The following PCDHGA3 variants were observed in gnomAD, a reference collection of about 807,000 sequenced individuals.
PCDHGA3 encodes protocadherin gamma subfamily A, 3.
A neutral mutation model predicts 58.5 loss-of-function variants in PCDHGA3; 40 were observed. The ratio of observed to expected loss-of-function variants is 0.68; its 90% CI spans 0.53 to 0.89. PCDHGA3 has a LOEUF of 0.89. Ranked by LOEUF, PCDHGA3 falls within the 40% of genes least tolerant of loss-of-function variation. The pLI is 0.00. For synonymous variants in PCDHGA3, 530 were observed against 525.7 expected, an observed-to-expected ratio of 1.01 and a Z score of -0.11; for missense variants, 1,223 against 1,195.9, an observed-to-expected ratio of 1.02 and a Z score of -0.33.
At position 141,432,297 on chromosome 5, in the gene PCDHGA3, T is replaced by C. The variant is rs1339659774; in HGVS notation, c.2425-62510T>C. 3.1e-6 allele frequency: 5 copies of C among 1,614,040 alleles called. No individual in the cohort carries two copies. The highest frequency in any genetic ancestry group is 1.7e-5 in the Admixed American group (1 of 60,006). ...GTGTCCATCAACTCCGACACTGGGG[T>C]ACTGTATGCGCTGAGCTCCTTCGAC... On this transcript the variant is annotated intron_variant, in intron 1 of 3. Transcript: ENST00000253812. This position sits in a 1 kb window ranked among gnomAD's most constrained non-coding sequence, Gnocchi z 6.0.
chr5:141,345,083 G>T lies in PCDHGA3; in HGVS notation c.1050G>T (p.Thr350=). ...VNDNAPEITI[T]SLTSSVPEEG... The stretch of plus-strand genomic sequence containing the variant: ...ACAATGCTCCAGAAATTACAATCAC[G>T]TCTCTCACAAGCTCAGTCCCAGAAG... Residue 350 remains threonine, a synonymous_variant, in exon 1 of 4, where the codon ACG becomes ACT. Coordinates refer to ENST00000253812, the MANE Select transcript of PCDHGA3 (RefSeq NM_018916.4). The T allele has an allele frequency of 2.5e-6, 4 of 1,613,942 alleles. No individual in the cohort carries two copies. Among genetic ancestry groups the T allele is most frequent in the Non-Finnish European group, 3.4e-6 (4 of 1,179,876 alleles).
At chr5:141,401,368 A>G (rs2094146364) in intron 1 of PCDHGA3, among the ~76,000 whole-genome samples, 3 of 152,186 alleles carry the variant, frequency 2.0e-5, no homozygotes, top group Admixed American at 2.0e-4. Flanking sequence ...GAAGGAGAGG[A>G]AGAAGAAGAA....
At chr5:141,375,521 GACGTGGACCAGA>G in intron 1 of PCDHGA3, 1 of 1,613,994 alleles carries the variant, frequency 6.2e-7, no homozygotes, top group Non-Finnish European at 8.5e-7. Context: ...ACTGGACCCT[GACGTGGACCAGA>G]ACGCCCAAGT....
intron 1 of PCDHGA3, chr5:141,352,153 G>A: frequency 1.2e-6 from 2 of 1,612,760 alleles, no homozygotes; most frequent in Non-Finnish European, 1.7e-6. Context: ...TGGGCGACAG[G>A]GACGCGGCCC....
chr5:141,454,489 C>T (rs1450435753), intron 1 of PCDHGA3, among the ~76,000 whole-genome samples: 1 of 152,222 alleles, frequency 6.6e-6, no homozygotes, highest in African/African-American at 2.4e-5. Flanking sequence ...TCACCGCAAC[C>T]TCCACCTCCT....
chr5:141,348,891 A>G (rs1335094917), intron 1 of PCDHGA3, among the ~76,000 whole-genome samples: 1 of 152,108 alleles, frequency 6.6e-6, no homozygotes, highest in African/African-American at 2.4e-5. Flanking sequence ...CTCATTTGGT[A>G]ATGCATTTGA....
chr5:141,427,819 T>C, intron 1 of PCDHGA3: 1 of 1,531,664 alleles, frequency 6.5e-7, no homozygotes, highest in Non-Finnish European at 8.9e-7. Context: ...AGCGGGGTGG[T>C]GGTCGCGCAG....
At chr5:141,386,183 A>G (rs201653759) in intron 1 of PCDHGA3, among the ~76,000 whole-genome samples, 1 of 152,230 alleles carries the variant, frequency 6.6e-6, no homozygotes, top group East Asian at 1.9e-4. Context: ...CATCTTATGT[A>G]CACAGATCCT....
At chr5:141,360,700 C>A (rs532971055) in intron 1 of PCDHGA3, 1 of 1,613,796 alleles carries the variant, frequency 6.2e-7, no homozygotes, top group South Asian at 1.1e-5. Flanking sequence ...TCCAGATGGT[C>A]GTAAATATCC....
At chr5:141,425,209 A>G (rs2096861765) in intron 1 of PCDHGA3, among the ~76,000 whole-genome samples, 1 of 152,180 alleles carries the variant, frequency 6.6e-6, no homozygotes, top group African/African-American at 2.4e-5. Context: ...GATGTAAGGC[A>G]TTGTACTTTG....
chr5:141,418,085 A>C lies in PCDHGA3; in HGVS notation c.2424+71628A>C, dbSNP rs1235378254. On this transcript the variant is annotated intron_variant, in intron 1 of 3. Transcript: ENST00000253812. The stretch of plus-strand genomic sequence containing the variant: ...AGTGAGCGCGGAGAAGCTGCACTTC[A>C]GCGTAGACGCGCAGAGCGGGGACTT... The C allele has an allele frequency of 2.5e-6, 4 of 1,613,936 alleles. No homozygotes were observed. The highest frequency in any genetic ancestry group is 3.4e-6 in the Non-Finnish European group (4 of 1,179,908).
At chr5:141,422,886 G>A in intron 1 of PCDHGA3, 1 of 1,614,260 alleles carries the variant, frequency 6.2e-7, no homozygotes, top group Non-Finnish European at 8.5e-7. Flanking sequence ...GCCTGTTCGT[G>A]CTGGACCAGA....
chr5:141,436,594 G>A (rs79477223), intron 1 of PCDHGA3, among the ~76,000 whole-genome samples: 2 of 152,106 alleles, frequency 1.3e-5, no homozygotes, highest in African/African-American at 2.4e-5. Flanking sequence ...AAAGGTCGTG[G>A]TGATGGCTAG....
rs774858191 is a variant in PCDHGA3 at position 141,413,689 on chromosome 5, C to T, written c.2424+67232C>T. On this transcript the variant is annotated intron_variant, in intron 1 of 3. Transcript: ENST00000253812. Reference sequence around the variant, plus strand: ...TCCGGATGTGGGCGTGAACTCCCTGCAGAGCTATCAGCTCAGCCCCAATAA... The same window carrying T: ...TCCGGATGTGGGCGTGAACTCCCTGTAGAGCTATCAGCTCAGCCCCAATAA... 6 of 1,613,800 alleles carry T rather than the reference C, an allele frequency of 3.7e-6. No individual in the cohort carries two copies. The Admixed American group carries it at 5.0e-5, about 13-fold the overall frequency.
In PCDHGA3 at chr5:141,494,027, G is replaced by A. The variant is rs77020157; in HGVS notation, c.2425-780G>A. 1.5e-4 allele frequency among the ~76,000 whole-genome samples: 23 copies of A among 152,298 alleles called. No homozygotes were observed. In the East Asian group the frequency reaches 3.3e-3, roughly 22 times the overall value. ...ACACATCAGCCCCTTGGGAGCCCTGGAGACTTAGTTGGCCCTGCTTGGAGG... is the reference window on the plus strand; with the variant it reads ...ACACATCAGCCCCTTGGGAGCCCTGAAGACTTAGTTGGCCCTGCTTGGAGG... On this transcript the variant is annotated intron_variant, in intron 1 of 3. Coordinates refer to ENST00000253812, the MANE Select transcript of PCDHGA3 (RefSeq NM_018916.4).
intron 1 of PCDHGA3, chr5:141,392,848 A>C (rs374832992): frequency 1.2e-6 from 2 of 1,610,796 alleles, no homozygotes; most frequent in Non-Finnish European, 1.7e-6. Flanking sequence ...AGACGCGGCG[A>C]GCTGATCCTG....
intron 1 of PCDHGA3, chr5:141,409,789 G>T: frequency 6.2e-7 from 1 of 1,612,036 alleles, no homozygotes; most frequent in Non-Finnish European, 8.5e-7. Context: ...GCGCCTTCGC[G>T]CTCACGCTGC....
chr5:141,375,819 C>T, intron 1 of PCDHGA3: 2 of 1,614,190 alleles, frequency 1.2e-6, no homozygotes, highest in Admixed American at 1.7e-5. Context: ...GAGCTGGCGC[C>T]CCGCTCCGCA....
rs757019379 is a variant in PCDHGA3 at position 141,390,006 on chromosome 5, G to T, written c.2424+43549G>T. 4.5e-5 allele frequency: 73 copies of T among 1,613,888 alleles called. No individual in the cohort carries two copies. Among genetic ancestry groups the T allele is most frequent in the Admixed American group, 1.7e-5 (1 of 60,004 alleles). ...GCTCTTCCTCGTGGCCATGATTCTG[G>T]CCATTGCCTTGCGCCTGCGACGCTC... On this transcript the variant is annotated intron_variant, in intron 1 of 3. Transcript: ENST00000253812.
Sources: allele counts gnomAD v4.1 joint callset (sites outside exome capture counted in the v4.1 genomes callset), GRCh38; gene constraint gnomAD v4.1.1; non-coding constraint Gnocchi (gnomAD v3.1); transcripts MANE v1.5; gene names NCBI Gene and HGNC (gene_info 2026-07-23, HGNC 2026-07-21).